Variants in PLB1 observed in about 807,000 individuals in gnomAD.
PLB1 encodes the protein phospholipase B1.
A neutral mutation model predicts 227.4 loss-of-function variants in PLB1; 242 were observed. The observed-to-expected ratio is 1.06, with a 90% CI of 0.96 to 1.18. The LOEUF is 1.18. Among genes scored for constraint, PLB1 ranks in the 50% most tolerant of loss-of-function variants. PLB1 has a pLI of 0.00. For missense variants in PLB1, 1,858 were observed against 1,816.3 expected, an observed-to-expected ratio of 1.02 and a Z score of -0.42; for synonymous variants, 757 against 682.2, an observed-to-expected ratio of 1.11 and a Z score of -1.71.
rs536476788 is a variant in PLB1 at position 28,554,489 on chromosome 2, C to CTTTTTTTTTTTTTTTTT, written c.1147+1511_1147+1527dup. Among the ~76,000 whole-genome samples the CTTTTTTTTTTTTTTTTT allele has an allele frequency of 1.5e-4, 13 of 85,468 alleles. 2 individuals are homozygous for CTTTTTTTTTTTTTTTTT. The highest frequency in any genetic ancestry group is 1.5e-4 in the Non-Finnish European group (7 of 47,844). The allele number at this position is 85,468 out of a possible 152,430, so 56.1% of individuals were successfully genotyped here. A position where few individuals can be genotyped will look rare whatever the true frequency, so the allele number is the denominator to read the frequency against. ...CTACAGGCATTATCACCACACCTGC[C>CTTTTTTTTTTTTTTTTT]TTTTTTTTTTTTTTTTTTTTTTTTT... On this transcript the variant is annotated intron_variant, in intron 17 of 57. Transcript: ENST00000327757.
chr2:28,531,618 C>A (rs1671023516), intron 8 of PLB1, among the ~76,000 whole-genome samples: 1 of 152,202 alleles, frequency 6.6e-6, no homozygotes, highest in South Asian at 2.1e-4. Context: ...GCCAGAGATA[C>A]TTTTTATAAC....
At chr2:28,591,571 T>C in intron 30 of PLB1, 129 bp from the exon 31 acceptor site, 2 of 939,080 alleles carry the variant, frequency 2.1e-6, no homozygotes, top group Non-Finnish European at 1.6e-6. Context: ...TCAAAGGCCC[T>C]TTTGAGGCCC....
At chr2:28,545,774 G>T (rs1673160390) in intron 14 of PLB1, among the ~76,000 whole-genome samples, 1 of 152,126 alleles carries the variant, frequency 6.6e-6, no homozygotes, top group Non-Finnish European at 1.5e-5. Context: ...GAGGTGGAAG[G>T]CAGGTGTACC....
chr2:28,610,712 T>G (rs1685322409), intron 43 of PLB1, among the ~76,000 whole-genome samples: 1 of 152,106 alleles, frequency 6.6e-6, no homozygotes, highest in South Asian at 2.1e-4. Context: ...TCCTTCCCCA[T>G]GGAACTACAC....
intron 35 of PLB1, among the ~76,000 whole-genome samples, chr2:28,600,325 G>A (rs529648878): frequency 1.6e-4 from 24 of 152,276 alleles, no homozygotes; most frequent in Middle Eastern, 3.4e-3. Context: ...GAGAAAAATC[G>A]CAGCCATTGG....
intron 47 of PLB1, 93 bp from the exon 48 acceptor site, chr2:28,620,507 C>T: frequency 1.9e-5 from 28 of 1,491,284 alleles, no homozygotes; most frequent in Non-Finnish European, 2.5e-5. Flanking sequence ...CCCCAGGGGC[C>T]CAGAACCCGG....
intron 48 of PLB1, 80 bp downstream of exon 48, chr2:28,620,723 A>G: frequency 6.3e-7 from 1 of 1,591,568 alleles, no homozygotes; most frequent in Non-Finnish European, 8.6e-7. Flanking sequence ...GGAGGGGAAG[A>G]GGAGGTTATC....
intron 54 of PLB1, among the ~76,000 whole-genome samples, 193 bp downstream of exon 54, chr2:28,630,857 G>A (rs1396484067): frequency 6.6e-6 from 1 of 152,124 alleles, no homozygotes; most frequent in Non-Finnish European, 1.5e-5. Context: ...CCCCAAAGTG[G>A]AAGCTGAGAA....
intron 45 of PLB1, 134 bp from the exon 46 acceptor site, chr2:28,618,207 C>T (rs548249079): frequency 4.7e-6 from 4 of 854,580 alleles, no homozygotes; most frequent in Non-Finnish European, 7.6e-6. Flanking sequence ...AGGGGCAAAA[C>T]TGCTAAAGCC....
chr2:28,568,815 T>A (rs1337443679), intron 20 of PLB1, among the ~76,000 whole-genome samples: 1 of 152,132 alleles, frequency 6.6e-6, no homozygotes, highest in East Asian at 1.9e-4. Flanking sequence ...GGGGAGAGAA[T>A]GTTCCTGGCA....
intron 26 of PLB1, among the ~76,000 whole-genome samples, chr2:28,588,086 C>A (rs1371213241): frequency 7.2e-6 from 1 of 138,530 alleles, no homozygotes; most frequent in Non-Finnish European, 1.5e-5. Context: ...CGCCCTACTT[C>A]CCACAGAAGC....
rs1342889258 is a variant in PLB1, at chr2:28,601,342, G to C, written c.2607+10G>C. Reference sequence around the variant, plus strand: ...CTACTGCACAGATTCGGTAATTGGGGCCAGGTCCAGGCCTACTTGTTGTTC... The same window carrying C: ...CTACTGCACAGATTCGGTAATTGGGCCCAGGTCCAGGCCTACTTGTTGTTC... On this transcript the variant is annotated intron_variant, in intron 37 of 57. Coordinates refer to ENST00000327757, the MANE Select transcript of PLB1 (RefSeq NM_153021.5). 1 of 1,611,920 alleles carries C rather than the reference G, an allele frequency of 6.2e-7. No homozygotes were observed.
intron 49 of PLB1, 44 bp from the exon 50 acceptor site, chr2:28,625,013 C>G: frequency 6.3e-7 from 1 of 1,590,484 alleles, no homozygotes; most frequent in South Asian, 1.1e-5. Context: ...TGAGTCCTCG[C>G]TCCTGAGCCG....
At chr2:28,567,109 A>G (rs1201746670) in intron 20 of PLB1, among the ~76,000 whole-genome samples, 1 of 152,200 alleles carries the variant, frequency 6.6e-6, no homozygotes, top group Non-Finnish European at 1.5e-5. Flanking sequence ...AAGGAGGAAG[A>G]AAGTAAAGCG....
intron 4 of PLB1, among the ~76,000 whole-genome samples, chr2:28,523,306 G>A (rs968220924): frequency 7.3e-5 from 11 of 150,412 alleles, no homozygotes; most frequent in African/African-American, 2.7e-4. Context: ...AACCTAAATA[G>A]GGTCATACTG....
intron 21 of PLB1, among the ~76,000 whole-genome samples, chr2:28,575,833 G>A (rs1378673608): frequency 6.6e-6 from 1 of 152,214 alleles, no homozygotes; most frequent in East Asian, 1.9e-4. Flanking sequence ...TTACAGGTGT[G>A]AGCCACTGTG....
At chr2:28,613,889 T>C (rs1685822988) in intron 43 of PLB1, 142 bp from the exon 44 acceptor site, 1 of 721,494 alleles carries the variant, frequency 1.4e-6, no homozygotes, top group Admixed American at 2.6e-5. Context: ...ATGAATGAAA[T>C]TATGTTTATA....
chr2:28,591,531 C>T (rs919191253), intron 30 of PLB1, among the ~76,000 whole-genome samples, 169 bp from the exon 31 acceptor site: 5 of 152,158 alleles, frequency 3.3e-5, no homozygotes, highest in African/African-American at 4.8e-5. Context: ...GATCTGTGGC[C>T]GCTACGCAAA....
rs1012424827 is a variant in PLB1, at chr2:28,630,601, C to A, written c.3834C>A (p.Cys1278Ter). 8 of 1,613,634 alleles carry A rather than the reference C, an allele frequency of 5.0e-6. No individual in the cohort carries two copies. In the East Asian group the frequency reaches 6.7e-5, roughly 13 times the overall value. Residue 1278 changes from cysteine to a stop codon, truncating the protein, a stop_gained, in exon 54 of 58, where the codon TGC becomes TGA. Coordinates refer to ENST00000327757, the MANE Select transcript of PLB1 (RefSeq NM_153021.5). LOFTEE classifies it high-confidence loss of function. ...TGTCTCACAGGAACAACTGCACTTG[C>A]CTCAGACACTCGCAAAGCTCCCTGG... The part of the protein sequence containing the change: ...AMLAAQNNCT[C>*]LRHSQSSLEK...
Sources: gnomAD v4.1 joint callset for allele counts (sites outside exome capture counted in the v4.1 genomes callset) on GRCh38, gnomAD v4.1.1 for gene constraint, MANE v1.5 for transcripts, NCBI Gene and HGNC (gene_info 2026-07-23, HGNC 2026-07-21) for gene names.